The following PLXNA2 variants were observed in gnomAD, a reference collection of about 807,000 sequenced individuals.
The protein encoded by PLXNA2 is plexin A2, also known as plexin-A2.
Under a neutral mutation model 193.5 loss-of-function variants are expected in PLXNA2, and 91 were observed. The observed-to-expected ratio is 0.47, with a 90% CI of 0.40 to 0.56. PLXNA2 has a LOEUF of 0.56. Ranked by LOEUF, PLXNA2 falls within the 20% of genes least tolerant of loss-of-function variation. PLXNA2 has a pLI of 0.00. For synonymous variants in PLXNA2, 997 were observed against 1,027.3 expected (o/e 0.97, Z 0.56); for missense variants, 1,995 against 2,503.2 (o/e 0.80, Z 4.33).
intron 5 of PLXNA2, 81 bp from the exon 6 acceptor site, chr1:208,099,050 A>C: frequency 6.5e-7 from 1 of 1,540,880 alleles, no homozygotes; most frequent in Non-Finnish European, 8.8e-7. Context: ...GCAGGATGGG[A>C]GTTTGCTGCC....
chr1:208,042,579 G>A (rs939038073), intron 21 of PLXNA2, among the ~76,000 whole-genome samples: 2 of 152,202 alleles, frequency 1.3e-5, no homozygotes, highest in African/African-American at 2.4e-5. Context: ...GCACTGGGCC[G>A]GGGAGGCTGG....
chr1:208,142,568 C>T (rs908628855), intron 3 of PLXNA2, 105 bp from the exon 4 acceptor site: 15 of 1,123,376 alleles, frequency 1.3e-5, no homozygotes, highest in Non-Finnish European at 1.7e-5. Flanking sequence ...ATTGCTAACC[C>T]CCAGTCACTA....
intron 2 of PLXNA2, among the ~76,000 whole-genome samples, chr1:208,213,049 G>T (rs1671013791): frequency 1.3e-5 from 2 of 152,162 alleles, no homozygotes; most frequent in Non-Finnish European, 2.9e-5. Flanking sequence ...TAAGGCCACA[G>T]AGTCTGGGCA....
chr1:208,124,499 C>T (rs1425299672), intron 4 of PLXNA2, among the ~76,000 whole-genome samples: 6 of 151,866 alleles, frequency 4.0e-5, no homozygotes, highest in Non-Finnish European at 5.9e-5. Context: ...GCCAACATGG[C>T]GAAACCCTAT....
intron 1 of PLXNA2, among the ~76,000 whole-genome samples, chr1:208,227,041 G>A (rs1011296051): frequency 2.0e-5 from 3 of 152,186 alleles, no homozygotes; most frequent in Admixed American, 2.0e-4. Flanking sequence ...CTTATCAATT[G>A]AGTTGCTGTT....
At chr1:208,179,989 C>A (rs1669786022) in intron 3 of PLXNA2, among the ~76,000 whole-genome samples, 1 of 152,124 alleles carries the variant, frequency 6.6e-6, no homozygotes, top group African/African-American at 2.4e-5. Context: ...AGCAAATACC[C>A]AAGCCCTGGG....
At chr1:208,045,541 A>G (rs112854014) in intron 18 of PLXNA2, among the ~76,000 whole-genome samples, 3 of 152,314 alleles carry the variant, frequency 2.0e-5, no homozygotes, top group Non-Finnish European at 2.9e-5. Flanking sequence ...AGTGCCAGGG[A>G]CTGTGACCTC....
chr1:208,118,779 A>C (rs1321189160), intron 4 of PLXNA2, among the ~76,000 whole-genome samples: 1 of 151,918 alleles, frequency 6.6e-6, no homozygotes, highest in Non-Finnish European at 1.5e-5. Context: ...GGTGCTTAGG[A>C]TATTAATTAG....
chr1:208,169,294 T>C (rs1170256283), intron 3 of PLXNA2, among the ~76,000 whole-genome samples: 2 of 152,120 alleles, frequency 1.3e-5, no homozygotes, highest in African/African-American at 4.8e-5. Context: ...CAAAAACCGA[T>C]AAACAAGTGC....
chr1:208,235,849 T>G (rs1473670573), intron 1 of PLXNA2, among the ~76,000 whole-genome samples: 1 of 152,186 alleles, frequency 6.6e-6, no homozygotes, highest in Non-Finnish European at 1.5e-5. Flanking sequence ...CTTGAAGAAC[T>G]TGACCCCCTG....
At chr1:208,134,383 C>T (rs1035046084) in intron 4 of PLXNA2, among the ~76,000 whole-genome samples, 2 of 152,096 alleles carry the variant, frequency 1.3e-5, no homozygotes, top group African/African-American at 2.4e-5. Context: ...CCCACAGCCC[C>T]GGGAGGTGGG....
At chr1:208,134,594 A>G (rs374577940) in intron 4 of PLXNA2, among the ~76,000 whole-genome samples, 27 of 152,160 alleles carry the variant, frequency 1.8e-4, no homozygotes, top group African/African-American at 5.5e-4. Context: ...ATTCTCCCCA[A>G]AGTCCCTCAG....
chr1:208,197,758 G>C (rs746637528), intron 3 of PLXNA2, among the ~76,000 whole-genome samples: 1 of 152,190 alleles, frequency 6.6e-6, no homozygotes, highest in Non-Finnish European at 1.5e-5. Context: ...GCTACGAGCT[G>C]TCTGAAGCTT....
Position 208,082,367 on chromosome 1 carries a change from G to T in PLXNA2, c.2395+45C>A. The T allele has an allele frequency of 6.7e-7, 1 of 1,482,692 alleles. No homozygotes were observed. Among genetic ancestry groups the T allele is most frequent in the South Asian group, 1.2e-5 (1 of 86,328 alleles). The allele number at this position is 1,482,692 out of a possible 1,614,324, so 91.8% of individuals were successfully genotyped here. ...GATCCCTCTAGCCCCAGTCTTTCCC[G>T]GGGTCGTGAAAAGATCAAACTTCTA... On this transcript the variant is annotated intron_variant, in intron 11 of 31. Coordinates refer to ENST00000367033, the MANE Select transcript of PLXNA2 (RefSeq NM_025179.4). This position sits in a 1 kb window ranked among gnomAD's most constrained non-coding sequence, Gnocchi z 4.2.
intron 4 of PLXNA2, among the ~76,000 whole-genome samples, chr1:208,131,707 C>T (rs1036900562): frequency 6.6e-6 from 1 of 152,202 alleles, no homozygotes; most frequent in African/African-American, 2.4e-5. Flanking sequence ...GGCTTCAATG[C>T]CTCACATGTG....
intron 3 of PLXNA2, among the ~76,000 whole-genome samples, chr1:208,203,905 T>G (rs543299976): frequency 6.6e-6 from 1 of 152,076 alleles, no homozygotes; most frequent in Non-Finnish European, 1.5e-5. Flanking sequence ...CTGAGGAGAG[T>G]TAATACTTTG....
intron 20 of PLXNA2, 102 bp from the exon 21 acceptor site, chr1:208,043,305 A>C: frequency 9.0e-7 from 1 of 1,108,754 alleles, no homozygotes; most frequent in Middle Eastern, 2.8e-4. Context: ...GACCTTTTGT[A>C]GAGACTCTGA....
intron 9 of PLXNA2, among the ~76,000 whole-genome samples, chr1:208,087,261 G>A (rs1332446000): frequency 2.6e-5 from 4 of 152,104 alleles, no homozygotes; most frequent in South Asian, 2.1e-4. Context: ...TAGATGTTAT[G>A]TGTAATACCT....
chr1:208,238,883 C>T lies in PLXNA2; in HGVS notation c.-81+4760G>A, dbSNP rs1021380081. On this transcript the variant is annotated intron_variant, in intron 1 of 31. Transcript: ENST00000367033. The stretch of plus-strand genomic sequence containing the variant: ...GATAAGAACGGCAAGGGCCTTTTGG[C>T]GGGCCAGCCAGCAGATTGGACTCCC... Among the ~76,000 whole-genome samples, 4 of 152,190 alleles carry T rather than the reference C, an allele frequency of 2.6e-5. No homozygotes were observed. In the South Asian group the frequency reaches 6.2e-4, roughly 24 times the overall value.
Sources: gnomAD v4.1 joint callset for allele counts (sites outside exome capture counted in the v4.1 genomes callset) on GRCh38, gnomAD v4.1.1 for gene constraint, Gnocchi (gnomAD v3.1) non-coding constraint, MANE v1.5 for transcripts, NCBI Gene and HGNC (gene_info 2026-07-23, HGNC 2026-07-21) for gene names.